CT47C1: variants seen among roughly 807,000 people sequenced by gnomAD.
CT47C1 encodes cancer/testis antigen family 47 member C1.
the CT47C1 span, chrX:119,075,131 G>C: frequency 9.3e-7 from 1 of 1,075,121 alleles, no homozygotes. Context: ...GTATAGCTTT[G>C]AGAATCACTC....
chrX:119,074,869 G>A, the CT47C1 span: 47 of 883,775 alleles, frequency 5.3e-5, no homozygotes, highest in Non-Finnish European at 7.5e-5. Context: ...TTCTCCTGAG[G>A]GTGGAGTACT....
At chrX:119,073,339 C>T in the CT47C1 span, 16 of 525,299 alleles carry the variant, frequency 3.0e-5, no homozygotes, top group Non-Finnish European at 4.4e-5. Context: ...ACTCTGGCCC[C>T]GACAGTGGCA....
At chrX:119,073,993 C>T in the CT47C1 span, 1 of 675,212 alleles carries the variant, frequency 1.5e-6, no homozygotes, top group Non-Finnish European at 2.3e-6. Context: ...CAGAGGAGGC[C>T]GCAGAGGAAC....
chrX:119,073,358 G>T, the CT47C1 span: 1 of 533,798 alleles, frequency 1.9e-6, no homozygotes, highest in Non-Finnish European at 3.4e-6. Flanking sequence ...CAACACTGTG[G>T]CCGGAGTCGC....
At chrX:119,074,739 G>A in the CT47C1 span, among the ~76,000 whole-genome samples, 336 of 110,841 alleles carry the variant, frequency 3.0e-3, 2 homozygotes, top group African/African-American at 0.01. Context: ...CTGGAAAAAA[G>A]GGAAATAGTG....
At chrX:119,073,724 G>A in the CT47C1 span, 1 of 750,533 alleles carries the variant, frequency 1.3e-6, no homozygotes, top group East Asian at 3.4e-5. Flanking sequence ...CAGTGGCTCA[G>A]AAGAGCCCCG....
At chrX:119,073,656 A>T in the CT47C1 span, 1 of 577,951 alleles carries the variant, frequency 1.7e-6, no homozygotes, top group Non-Finnish European at 2.9e-6. Context: ...CACAACGACC[A>T]CATCCTGATC....
the CT47C1 span, chrX:119,073,880 C>T: frequency 1.2e-6 from 1 of 857,194 alleles, no homozygotes; most frequent in South Asian, 2.0e-5. Flanking sequence ...TGCAGAAGAG[C>T]CCGCAGAGGA....
the CT47C1 span, chrX:119,074,025 C>T: frequency 1.0e-5 from 6 of 586,477 alleles, no homozygotes; most frequent in African/African-American, 1.1e-4. Context: ...GAACCGGCTG[C>T]AGAGGAGGAG....
At chrX:119,075,383 G>A in the CT47C1 span, among the ~76,000 whole-genome samples, 2 of 112,055 alleles carry the variant, frequency 1.8e-5, no homozygotes, top group African/African-American at 6.5e-5. Flanking sequence ...AGTGGCAAAT[G>A]TATCAGACCT....
At chrX:119,073,955 ACAGAGGAGGCCG>A in the CT47C1 span, 1 of 771,302 alleles carries the variant, frequency 1.3e-6, no homozygotes, top group Non-Finnish European at 1.9e-6. Flanking sequence ...AGAGAAGCCC[ACAGAGGAGGCCG>A]CAGAGGAGGA....
the CT47C1 span, chrX:119,074,173 AGGTGGTGAAGTGGGGGTCGGGCCTCG>A: frequency 1.2e-5 from 5 of 408,540 alleles, no homozygotes; most frequent in Non-Finnish European, 1.3e-5. Context: ...CTGGTGAAGC[AGGTGGTGAAGTGGGGGTCGGGCCTCG>A]GGTGGTGAAG....
At chrX:119,075,208 T>C in the CT47C1 span, 1 of 972,602 alleles carries the variant, frequency 1.0e-6, no homozygotes, top group Non-Finnish European at 1.4e-6. Context: ...GTAAATTAAT[T>C]AAGAAAAGGT....
the CT47C1 span, among the ~76,000 whole-genome samples, chrX:119,075,691 T>C: frequency 1.9e-4 from 21 of 110,751 alleles, no homozygotes; most frequent in South Asian, 3.7e-4. Flanking sequence ...GGCATATCTG[T>C]CTTTGAGTAT....
the CT47C1 span, chrX:119,074,172 C>G: frequency 1.7e-5 from 7 of 408,350 alleles, no homozygotes; most frequent in Admixed American, 4.2e-5. Context: ...GCTGGTGAAG[C>G]AGGTGGTGAA....
chrX:119,073,425 C>A, the CT47C1 span: 1 of 520,547 alleles, frequency 1.9e-6, no homozygotes, highest in Non-Finnish European at 3.4e-6. Flanking sequence ...GGCTTGGCCG[C>A]AGCCCCCGGG....
the CT47C1 span, among the ~76,000 whole-genome samples, chrX:119,075,738 T>C: frequency 8.1e-5 from 9 of 110,785 alleles, no homozygotes; most frequent in Non-Finnish European, 1.3e-4. Flanking sequence ...TTTCTTTTTT[T>C]TTTTTTTTGC....
At chrX:119,073,852 C>T in the CT47C1 span, 3 of 870,512 alleles carry the variant, frequency 3.4e-6, no homozygotes, top group Admixed American at 4.4e-5. Flanking sequence ...CAGACCTGGC[C>T]GAGATGGCCA....
chrX:119,073,571 G>A, the CT47C1 span: 17 of 525,179 alleles, frequency 3.2e-5, no homozygotes, highest in Non-Finnish European at 5.2e-5. Context: ...GGTCGCGGCC[G>A]CCCGTCGCTA....
Sources: allele counts gnomAD v4.1 joint callset (sites outside exome capture counted in the v4.1 genomes callset), GRCh38; gene constraint gnomAD v4.1.1; transcripts MANE v1.5; gene names NCBI Gene and HGNC (gene_info 2026-07-23, HGNC 2026-07-21).